The following KDM4C variants were observed in gnomAD, a reference collection of about 807,000 sequenced individuals.
The protein encoded by KDM4C is lysine demethylase 4C.
In KDM4C, 81 loss-of-function variants were observed where a neutral mutation model predicts 129.3. That is an observed-to-expected ratio of 0.63 (90% CI 0.52 to 0.75). KDM4C has a LOEUF of 0.75. Ranked by LOEUF, KDM4C falls within the 30% of genes least tolerant of loss-of-function variation. The probability of loss-of-function intolerance (pLI) is 0.00; values close to 1 mark genes in which losing one functional copy is unlikely to be tolerated. For synonymous variants in KDM4C, 573 were observed against 456.1 expected (o/e 1.26, Z -3.26); for missense variants, 1,457 against 1,304.0 (o/e 1.12, Z -1.81).
Position 6,892,255 on chromosome 9 carries a change from T to C in KDM4C, c.784-840T>C, listed in dbSNP as rs115555916. ...AAGATCAGATAATCCAAAACAAATA[T>C]ATTATATTATTCCATTTGAAGGAGT... is the stretch of plus-strand genomic sequence containing the variant. On this transcript the variant is annotated intron_variant, in intron 7 of 21. Coordinates refer to ENST00000381309, the MANE Select transcript of KDM4C (RefSeq NM_015061.6). 5.1e-3 allele frequency among the ~76,000 whole-genome samples: 776 copies of C among 151,788 alleles called. 7 individuals carry two copies. Among genetic ancestry groups the C allele is most frequent in the African/African-American group, 0.018 (738 of 41,530 alleles).
At chr9:6,822,257 T>C (rs920026821) in intron 4 of KDM4C, among the ~76,000 whole-genome samples, 4 of 152,256 alleles carry the variant, frequency 2.6e-5, no homozygotes, top group African/African-American at 7.2e-5. Flanking sequence ...TGACAGATTA[T>C]ATGGCCTTCA....
chr9:7,119,324 A>G (rs1839253097), intron 18 of KDM4C, among the ~76,000 whole-genome samples: 1 of 152,204 alleles, frequency 6.6e-6, no homozygotes, highest in Non-Finnish European at 1.5e-5. Context: ...TTTAATAATT[A>G]TGAAGAAAAA....
intron 4 of KDM4C, among the ~76,000 whole-genome samples, chr9:6,828,279 C>G (rs968104936): frequency 6.6e-6 from 1 of 152,030 alleles, no homozygotes; most frequent in Non-Finnish European, 1.5e-5. Flanking sequence ...TCCCGAATAG[C>G]TGGGACTACA....
At chr9:6,741,205 G>C (rs1288821979) in intron 1 of KDM4C, among the ~76,000 whole-genome samples, 1 of 151,768 alleles carries the variant, frequency 6.6e-6, no homozygotes, top group Non-Finnish European at 1.5e-5. Flanking sequence ...GGAGCATCCT[G>C]GCCAACATGG....
At chr9:7,053,090 T>G (rs767470557) in intron 17 of KDM4C, among the ~76,000 whole-genome samples, 2 of 152,196 alleles carry the variant, frequency 1.3e-5, no homozygotes, top group African/African-American at 4.8e-5. Context: ...ATAAAGCTAG[T>G]AACTGCAAGA....
chr9:7,019,113 A>G (rs1824199376), intron 15 of KDM4C, among the ~76,000 whole-genome samples: 1 of 152,210 alleles, frequency 6.6e-6, no homozygotes, highest in African/African-American at 2.4e-5. Context: ...TGAAGTTTAA[A>G]TATTGTAGAA....
At chr9:6,833,223 T>C (rs1380678214) in intron 4 of KDM4C, among the ~76,000 whole-genome samples, 1 of 152,170 alleles carries the variant, frequency 6.6e-6, no homozygotes, top group Non-Finnish European at 1.5e-5. Flanking sequence ...TAAAATAAAA[T>C]TAATATTTCT....
chr9:7,142,727 T>C (rs979683404), intron 19 of KDM4C, among the ~76,000 whole-genome samples: 5 of 152,102 alleles, frequency 3.3e-5, no homozygotes, highest in South Asian at 2.1e-4. Context: ...CATGGCTGGC[T>C]AAAGTCCCAA....
intron 4 of KDM4C, among the ~76,000 whole-genome samples, chr9:6,823,139 T>C (rs1031113691): frequency 4.6e-5 from 7 of 152,224 alleles, no homozygotes; most frequent in Admixed American, 1.3e-4. Flanking sequence ...TTCCAGTGTA[T>C]TGTGTGTATT....
chr9:6,886,177 G>C (rs1279455417), intron 6 of KDM4C, among the ~76,000 whole-genome samples: 3 of 151,992 alleles, frequency 2.0e-5, no homozygotes, highest in Non-Finnish European at 4.4e-5. Flanking sequence ...CATTATATTA[G>C]TGTCTTACTT....
intron 19 of KDM4C, among the ~76,000 whole-genome samples, chr9:7,153,484 C>G (rs1842898107): frequency 6.6e-6 from 1 of 152,178 alleles, no homozygotes; most frequent in Non-Finnish European, 1.5e-5. Flanking sequence ...TGGGAGACTG[C>G]TGCCGGTCAT....
intron 1 of KDM4C, among the ~76,000 whole-genome samples, chr9:6,747,769 T>G (rs910028891): frequency 6.6e-6 from 1 of 152,232 alleles, no homozygotes; most frequent in Non-Finnish European, 1.5e-5. Context: ...GAGCAGGGCC[T>G]TTGCTGCTTG....
At chr9:6,960,940 G>A (rs998078093) in intron 8 of KDM4C, among the ~76,000 whole-genome samples, 7 of 152,160 alleles carry the variant, frequency 4.6e-5, no homozygotes, top group African/African-American at 1.4e-4. Flanking sequence ...ACAGAAAAAT[G>A]ACATCCATAC....
intron 17 of KDM4C, among the ~76,000 whole-genome samples, chr9:7,063,505 C>G (rs147125010): frequency 6.6e-6 from 1 of 152,226 alleles, no homozygotes; most frequent in Non-Finnish European, 1.5e-5. Context: ...CTGGTGGTCT[C>G]TCACTTGTTT....
At chr9:6,891,864 A>AAAG (rs1846158774) in intron 7 of KDM4C, among the ~76,000 whole-genome samples, 1 of 152,152 alleles carries the variant, frequency 6.6e-6, no homozygotes, top group African/African-American at 2.4e-5. Context: ...TATCATAAAA[A>AAAG]AAGAAAATAG....
intron 4 of KDM4C, among the ~76,000 whole-genome samples, chr9:6,843,067 T>C (rs1837260174): frequency 2.6e-5 from 4 of 152,190 alleles, no homozygotes; most frequent in Non-Finnish European, 4.4e-5. Flanking sequence ...GTAGCTGGGA[T>C]TATAGGCATG....
intron 1 of KDM4C, among the ~76,000 whole-genome samples, chr9:6,769,069 G>A (rs1467240837): frequency 6.6e-6 from 1 of 151,986 alleles, no homozygotes; most frequent in Non-Finnish European, 1.5e-5. Flanking sequence ...CACTACACCT[G>A]GCCTGGAGTT....
chr9:7,011,658 G>C (rs891144609), intron 12 of KDM4C, 40 bp from the exon 13 acceptor site: 1 of 1,565,058 alleles, frequency 6.4e-7, no homozygotes, highest in Non-Finnish European at 8.8e-7. Context: ...GTTTTCCCTG[G>C]TTCCCATGCT....
chr9:7,120,111 T>A (rs1267672583), intron 18 of KDM4C, among the ~76,000 whole-genome samples: 1 of 152,180 alleles, frequency 6.6e-6, no homozygotes, highest in Non-Finnish European at 1.5e-5. Flanking sequence ...CTTGGCATTT[T>A]GGCTCAGAGT....
Sources: allele counts gnomAD v4.1 joint callset (sites outside exome capture counted in the v4.1 genomes callset), GRCh38; gene constraint gnomAD v4.1.1; transcripts MANE v1.5; gene names NCBI Gene and HGNC (gene_info 2026-07-23, HGNC 2026-07-21).